Variants in SSPN observed in about 807,000 individuals in gnomAD.
SSPN encodes the protein sarcospan, also known as K-ras oncogene-associated protein.
Under a neutral mutation model 19.1 loss-of-function variants are expected in SSPN, and 15 were observed. The ratio of observed to expected loss-of-function variants is 0.78; its 90% CI spans 0.52 to 1.21. SSPN has a LOEUF of 1.21. Ranked by LOEUF, SSPN falls within the 50% of genes most tolerant of loss-of-function variation. The pLI, the probability that SSPN is intolerant of heterozygous loss-of-function variation, is 0.00. For synonymous variants in SSPN, 147 were observed against 140.3 expected (o/e 1.05, Z -0.34); for missense variants, 291 against 314.0 (o/e 0.93, Z 0.55).
intron 1 of SSPN, among the ~76,000 whole-genome samples, chr12:26,139,607 G>T (rs1197905954): frequency 1.3e-5 from 2 of 152,150 alleles, no homozygotes; most frequent in African/African-American, 4.8e-5. Flanking sequence ...TACTAATGTG[G>T]CATCACTGAC....
chr12:26,203,561 G>A (rs945401171), intron 1 of SSPN, among the ~76,000 whole-genome samples: 1 of 152,202 alleles, frequency 6.6e-6, no homozygotes, highest in Non-Finnish European at 1.5e-5. Flanking sequence ...TGTGTATTGA[G>A]ATAAAACTTG....
chr12:26,164,813 G>A (rs1176228373), intron 1 of SSPN, among the ~76,000 whole-genome samples: 3 of 152,124 alleles, frequency 2.0e-5, no homozygotes, highest in South Asian at 2.1e-4. Context: ...TTTCTCTGCA[G>A]TATTAACAGC....
Position 26,143,328 on chromosome 12 carries a change from T to C in SSPN, c.-31+21176T>C, listed in dbSNP as rs574329035. ...TAGAGAAATATTAATAGCGTGCTTATTATGTTCCAGGTGTTCTGTTGAATG... is the reference window on the plus strand; with the variant it reads ...TAGAGAAATATTAATAGCGTGCTTACTATGTTCCAGGTGTTCTGTTGAATG... On this transcript the variant is annotated intron_variant, in intron 1 of 2. Coordinates refer to the SSPN transcript ENST00000538142. 5.3e-5 allele frequency among the ~76,000 whole-genome samples: 8 copies of C among 152,356 alleles called. No homozygotes were observed. In the South Asian group the frequency reaches 8.3e-4, roughly 16 times the overall value.
chr12:26,178,860 T>C (rs1190149657), intron 1 of SSPN, among the ~76,000 whole-genome samples: 1 of 152,198 alleles, frequency 6.6e-6, no homozygotes, highest in East Asian at 1.9e-4. Context: ...ATGATGTTAC[T>C]GTAGATATCT....
At chr12:26,216,029 T>A (rs938267048) in intron 1 of SSPN, among the ~76,000 whole-genome samples, 1 of 152,218 alleles carries the variant, frequency 6.6e-6, no homozygotes, top group Non-Finnish European at 1.5e-5. Flanking sequence ...CTTGAGATGA[T>A]TAAATGCAAG....
At chr12:26,150,217 G>A (rs1944517393) in intron 1 of SSPN, among the ~76,000 whole-genome samples, 1 of 152,186 alleles carries the variant, frequency 6.6e-6, no homozygotes, top group African/African-American at 2.4e-5. Flanking sequence ...GGAGCAGCTT[G>A]GGGGTGCTTT....
intron 1 of SSPN, among the ~76,000 whole-genome samples, chr12:26,179,484 G>C (rs1944704812): frequency 6.6e-6 from 1 of 152,138 alleles, no homozygotes; most frequent in South Asian, 2.1e-4. Flanking sequence ...CAGGGCAGAG[G>C]AGAATTCAAG....
intron 1 of SSPN, among the ~76,000 whole-genome samples, chr12:26,208,102 C>T (rs78129407): frequency 0.093 from 14,105 of 152,028 alleles, 702 homozygotes; most frequent in Middle Eastern, 0.17. Context: ...TTTGCATTTA[C>T]GGTGTTACAG....
intron 1 of SSPN, among the ~76,000 whole-genome samples, chr12:26,133,355 A>T (rs1944406732): frequency 6.6e-6 from 1 of 152,136 alleles, no homozygotes; most frequent in Non-Finnish European, 1.5e-5. Context: ...TCCACCTCTT[A>T]AATATCTGTA....
rs1337147054 is a variant in SSPN, at chr12:26,207,530, C to T, written c.279+11579C>T. 2.0e-5 allele frequency among the ~76,000 whole-genome samples: 3 copies of T among 152,234 alleles called. No individual in the cohort carries two copies. The East Asian group carries it at 5.8e-4, about 29-fold the overall frequency. ...GAATTTGGTATTTTTTATGCATAAG[C>T]CTGTTTTCATACTTTGAAAATTTGT... On this transcript the variant is annotated intron_variant, in intron 1 of 2. Transcript: ENST00000242729.
At chr12:26,131,403 C>T (rs1053360033) in intron 1 of SSPN, among the ~76,000 whole-genome samples, 1 of 152,210 alleles carries the variant, frequency 6.6e-6, no homozygotes, top group Admixed American at 6.5e-5. Flanking sequence ...CAGACCTGTC[C>T]TGTGGTTGTC....
At chr12:26,223,549 TC>T (rs1265988641) in intron 1 of SSPN, among the ~76,000 whole-genome samples, 1 of 152,242 alleles carries the variant, frequency 6.6e-6, no homozygotes, top group Non-Finnish European at 1.5e-5. Flanking sequence ...CATTTGCTGT[TC>T]TTTCAGCACA....
intron 1 of SSPN, among the ~76,000 whole-genome samples, chr12:26,135,344 A>C (rs939972915): frequency 6.6e-6 from 1 of 152,180 alleles, no homozygotes; most frequent in Non-Finnish European, 1.5e-5. Context: ...AGGATGTAGG[A>C]GTCAAGCCTC....
At chr12:26,220,665 C>A (rs1242713507) in intron 1 of SSPN, among the ~76,000 whole-genome samples, 2 of 152,184 alleles carry the variant, frequency 1.3e-5, no homozygotes, top group Non-Finnish European at 2.9e-5. Flanking sequence ...CGTTCCTGAG[C>A]TCTAAGCCCA....
At chr12:26,226,658 G>A (rs1429129239) in intron 2 of SSPN, among the ~76,000 whole-genome samples, 1 of 152,092 alleles carries the variant, frequency 6.6e-6, no homozygotes, top group African/African-American at 2.4e-5. Flanking sequence ...TGCAGGTCGC[G>A]CTTCCTGCCT....
chr12:26,124,263 C>A, intron 1 of SSPN: 4 of 558,500 alleles, frequency 7.2e-6, no homozygotes, highest in Admixed American at 2.4e-5. Flanking sequence ...GCCCCCCCCG[C>A]CCCCCCACCA....
At chr12:26,178,395 AATAT>A (rs1484729612) in intron 1 of SSPN, among the ~76,000 whole-genome samples, 1 of 152,122 alleles carries the variant, frequency 6.6e-6, no homozygotes, top group Admixed American at 6.5e-5. Context: ...TTTAGTAAAA[AATAT>A]ATATAAGTGC....
chr12:26,126,187 AGCCACCCTGG>A (rs1453191513), intron 1 of SSPN: 1 of 152,100 alleles, frequency 6.6e-6, no homozygotes, highest in Non-Finnish European at 1.5e-5. Flanking sequence ...CTTTCCCCAG[AGCCACCCTGG>A]GAGCATGACT....
intron 1 of SSPN, among the ~76,000 whole-genome samples, chr12:26,203,097 G>C (rs1265587644): frequency 8.5e-5 from 13 of 152,090 alleles, no homozygotes; most frequent in Admixed American, 2.6e-4. Context: ...GAAGAGCATA[G>C]GGGGAACCAC....
Sources: allele counts gnomAD v4.1 joint callset (sites outside exome capture counted in the v4.1 genomes callset), GRCh38; gene constraint gnomAD v4.1.1; transcripts MANE v1.5; gene names NCBI Gene and HGNC (gene_info 2026-07-23, HGNC 2026-07-21).